The following NDUFA13 variants were observed in gnomAD, a reference collection of about 807,000 sequenced individuals.
NDUFA13 encodes the protein NADH:ubiquinone oxidoreductase subunit A13.
A neutral mutation model predicts 17.0 loss-of-function variants in NDUFA13; 16 were observed. The observed-to-expected ratio is 0.94, with a 90% CI of 0.64 to 1.43. NDUFA13 has a LOEUF of 1.43. Ranked by LOEUF, NDUFA13 falls within the 40% of genes most tolerant of loss-of-function variation. The pLI is 0.00. For synonymous variants in NDUFA13, 87 were observed against 78.4 expected (o/e 1.11, Z -0.58); for missense variants, 228 against 206.7 (o/e 1.10, Z -0.63).
intron 1 of NDUFA13, among the ~76,000 whole-genome samples, chr19:19,522,237 G>A (rs1299391343): frequency 6.6e-6 from 1 of 151,708 alleles, no homozygotes; most frequent in Admixed American, 6.6e-5. Flanking sequence ...CCCGGGAGGC[G>A]GAGCTTGCAG....
intron 1 of NDUFA13, among the ~76,000 whole-genome samples, chr19:19,516,792 A>AT (rs939243345): frequency 2.0e-3 from 291 of 147,892 alleles, no homozygotes; most frequent in East Asian, 2.9e-3. Context: ...TAAATTTTCA[A>AT]TTTTTTTTTT....
intron 1 of NDUFA13, among the ~76,000 whole-genome samples, chr19:19,517,604 TG>T (rs1426108036): frequency 1.3e-5 from 2 of 152,228 alleles, no homozygotes; most frequent in Non-Finnish European, 2.9e-5. Flanking sequence ...AAAATGAGCA[TG>T]GTAATTAAAA....
Position 19,527,826 on chromosome 19 carries a change from GT to G in NDUFA13, c.315+58del, listed in dbSNP as rs770024121. On this transcript the variant is annotated intron_variant, in intron 4 of 4. Transcript: ENST00000507754. Reference sequence around the variant, plus strand: ...AGCCACGGCAGAGACAGGGCCTGGGGTTGGGGAGCTCCCACAGCTTTCTATA... The same window carrying G: ...AGCCACGGCAGAGACAGGGCCTGGGGTGGGGAGCTCCCACAGCTTTCTATA... 25 of 1,527,850 alleles carry G rather than the reference GT, an allele frequency of 1.6e-5. No homozygotes were observed. The African/African-American group carries it at 2.9e-4, about 18-fold the overall frequency. The allele number at this position is 1,527,850 out of a possible 1,614,324, so 94.6% of individuals were successfully genotyped here. A position where few individuals can be genotyped will look rare whatever the true frequency, so the allele number is the denominator to read the frequency against.
chr19:19,519,330 A>C (rs1327731111), intron 1 of NDUFA13, among the ~76,000 whole-genome samples: 1 of 152,052 alleles, frequency 6.6e-6, no homozygotes, highest in African/African-American at 2.4e-5. Context: ...AGGCTCCCTG[A>C]GCTCCCTGCT....
intron 1 of NDUFA13, among the ~76,000 whole-genome samples, chr19:19,525,312 C>G (rs548788815): frequency 6.6e-6 from 1 of 152,244 alleles, no homozygotes; most frequent in Non-Finnish European, 1.5e-5. Context: ...CCCGTGAGCT[C>G]CATGCTGGAG....
In NDUFA13 at chr19:19,521,142, G is replaced by T. The variant is rs370089768; in HGVS notation, c.94+4810G>T. On this transcript the variant is annotated intron_variant, in intron 1 of 4. Coordinates refer to ENST00000507754, the MANE Select transcript of NDUFA13 (RefSeq NM_015965.7). ...TTCCAAATTGGCTGCACCATTTTGT[G>T]CTTCCACCTGCAATGTATGAGAGTC... is the stretch of plus-strand genomic sequence containing the variant. 4.6e-5 allele frequency among the ~76,000 whole-genome samples: 7 copies of T among 152,252 alleles called. No homozygotes were observed. The East Asian group carries it at 1.3e-3, about 29-fold the overall frequency.
chr19:19,526,432 G>A (rs2061100005), intron 2 of NDUFA13, 172 bp downstream of exon 2: 9 of 722,148 alleles, frequency 1.2e-5, no homozygotes, highest in South Asian at 1.1e-4. Context: ...CCACTTCTAG[G>A]CTCTGTCCTC....
At chr19:19,524,270 A>G (rs913467709) in intron 1 of NDUFA13, among the ~76,000 whole-genome samples, 4 of 152,266 alleles carry the variant, frequency 2.6e-5, no homozygotes, top group Non-Finnish European at 5.9e-5. Context: ...TGCAGGCTGC[A>G]TGCAAATACA....
At chr19:19,520,965 T>C (rs2052757266) in intron 1 of NDUFA13, among the ~76,000 whole-genome samples, 1 of 152,246 alleles carries the variant, frequency 6.6e-6, no homozygotes, top group Non-Finnish European at 1.5e-5. Flanking sequence ...CTGTGAATAA[T>C]GTGAGTATGG....
At chr19:19,518,257 CAG>C (rs1162624452) in intron 1 of NDUFA13, among the ~76,000 whole-genome samples, 3 of 151,794 alleles carry the variant, frequency 2.0e-5, no homozygotes, top group Admixed American at 2.0e-4. Context: ...TTTTTTGAGA[CAG>C]AGTCTCATTC....
intron 1 of NDUFA13, among the ~76,000 whole-genome samples, chr19:19,518,444 A>T (rs1229283378): frequency 6.6e-6 from 1 of 152,084 alleles, no homozygotes; most frequent in Non-Finnish European, 1.5e-5. Flanking sequence ...CATATTGGTC[A>T]GACTGGTCTC....
rs566386690 is a variant in NDUFA13 at position 19,518,729 on chromosome 19, A to ATTTTTTTTTTTTT, written c.94+2414_94+2426dup. ...CAGGTGGGCGCCACCATGCCCTGCG[A>ATTTTTTTTTTTTT]TTTTTTTTTTTTTTTTTTTTTTTTT... On this transcript the variant is annotated intron_variant, in intron 1 of 4. Coordinates refer to ENST00000507754, the MANE Select transcript of NDUFA13 (RefSeq NM_015965.7). Among the ~76,000 whole-genome samples the ATTTTTTTTTTTTT allele has an allele frequency of 4.7e-4, 16 of 34,128 alleles. 2 individuals carry two copies. The highest frequency in any genetic ancestry group is 8.3e-4 in the Admixed American group (2 of 2,400). The allele number at this position is 34,128 out of a possible 152,430, so 22.4% of individuals were successfully genotyped here.
At position 19,518,516 on chromosome 19, in the gene NDUFA13, C is replaced by T. The variant is rs370927450; in HGVS notation, c.94+2184C>T. ...TCCCAAAGTGCTAATATTGCAGGCA[C>T]GACCCACCACGCCTGGCGTTGTTTG... On this transcript the variant is annotated intron_variant, in intron 1 of 4. Transcript: ENST00000507754. Among the ~76,000 whole-genome samples, 5 of 150,982 alleles carry T rather than the reference C, an allele frequency of 3.3e-5. No homozygotes were observed. The South Asian group carries it at 6.3e-4, about 19-fold the overall frequency.
Position 19,527,344 on chromosome 19 carries a change from C to T in NDUFA13, c.237C>T (p.Thr79=), listed in dbSNP as rs771091096. The T allele has an allele frequency of 8.1e-6, 13 of 1,613,736 alleles. No homozygotes were observed. Among genetic ancestry groups the T allele is most frequent in the African/African-American group, 2.7e-5 (2 of 74,940 alleles). The part of the protein sequence containing the change: ...IALLPLLQAE[T]DRRTLQMLRE... ...TGTTGCCACTGTTACAGGCAGAAAC[C>T]GACCGGAGGTAGCACCGCAGGGGCC... Residue 79 remains threonine (T), a synonymous_variant, in exon 3 of 5, where the codon ACC becomes ACT. Coordinates refer to ENST00000507754, the MANE Select transcript of NDUFA13 (RefSeq NM_015965.7).
chr19:19,526,777 C>G (rs917842761), intron 2 of NDUFA13: 1 of 286,908 alleles, frequency 3.5e-6, no homozygotes, highest in Admixed American at 4.9e-5. Context: ...TTCCCCACCC[C>G]TCCCCCAACC....
At chr19:19,525,539 G>A (rs1360951688) in intron 1 of NDUFA13, among the ~76,000 whole-genome samples, 2 of 152,228 alleles carry the variant, frequency 1.3e-5, no homozygotes, top group Non-Finnish European at 2.9e-5. Flanking sequence ...AAGAGACTGG[G>A]GCTGGAAGGA....
At chr19:19,520,804 C>T (rs1568358139) in intron 1 of NDUFA13, among the ~76,000 whole-genome samples, 2 of 152,282 alleles carry the variant, frequency 1.3e-5, no homozygotes, top group East Asian at 3.9e-4. Flanking sequence ...AATCTGCTTC[C>T]TTCTCTGTGG....
At position 19,518,729 on chromosome 19, in the gene NDUFA13, A is replaced by ATTTTTTT. The variant is rs566386690; in HGVS notation, c.94+2420_94+2426dup. ...CAGGTGGGCGCCACCATGCCCTGCG[A>ATTTTTTT]TTTTTTTTTTTTTTTTTTTTTTTTT... On this transcript the variant is annotated intron_variant, in intron 1 of 4. Coordinates refer to ENST00000507754, the MANE Select transcript of NDUFA13 (RefSeq NM_015965.7). Among the ~76,000 whole-genome samples, 187 of 34,130 alleles carry ATTTTTTT rather than the reference A, an allele frequency of 5.5e-3. 16 individuals carry two copies. Among genetic ancestry groups the ATTTTTTT allele is most frequent in the Non-Finnish European group, 6.4e-3 (108 of 16,750 alleles). The allele number at this position is 34,130 out of a possible 152,430, so 22.4% of individuals were successfully genotyped here.
At chr19:19,527,136 C>G (rs990328829) in intron 2 of NDUFA13, 145 bp from the exon 3 acceptor site, 1 of 912,814 alleles carries the variant, frequency 1.1e-6, no homozygotes, top group Non-Finnish European at 1.7e-6. Context: ...TTGCCCTTCC[C>G]GCGACCCTCG....
Sources: gnomAD v4.1 joint callset for allele counts (sites outside exome capture counted in the v4.1 genomes callset) on GRCh38, gnomAD v4.1.1 for gene constraint, MANE v1.5 for transcripts, NCBI Gene and HGNC (gene_info 2026-07-23, HGNC 2026-07-21) for gene names.